Variants in SEZ6 observed in about 807,000 individuals in gnomAD.
The protein encoded by SEZ6 is seizure related 6 homolog.
SEZ6 carries 53 observed loss-of-function variants against 101.0 expected under a neutral mutation model. That is an observed-to-expected ratio of 0.52 (90% CI 0.42 to 0.66). SEZ6 has a LOEUF of 0.66. SEZ6 is among the 30% of genes least tolerant of loss of function. SEZ6 has a pLI of 0.00. For synonymous variants in SEZ6, 488 were observed against 512.2 expected (o/e 0.95, Z 0.64); for missense variants, 1,102 against 1,289.4 (o/e 0.85, Z 2.23).
intron 1 of SEZ6, among the ~76,000 whole-genome samples, chr17:28,989,932 C>T (rs1173167844): frequency 1.3e-5 from 2 of 152,034 alleles, no homozygotes; most frequent in East Asian, 1.9e-4. Flanking sequence ...GTTAGCTGGG[C>T]GTGGTGGTGC....
intron 14 of SEZ6, 25 bp downstream of exon 14, chr17:28,956,694 T>G (rs750693013): frequency 2.7e-5 from 42 of 1,556,286 alleles, no homozygotes; most frequent in Non-Finnish European, 3.7e-5. Context: ...AGACCACTTC[T>G]CTGGCCTCAA....
intron 5 of SEZ6, among the ~76,000 whole-genome samples, chr17:28,963,019 G>A (rs980781255): frequency 1.1e-4 from 16 of 151,936 alleles, no homozygotes; most frequent in African/African-American, 3.6e-4. Flanking sequence ...AGCTACTCGG[G>A]AGGCTGAGGC....
In SEZ6 at chr17:28,986,174, GA is replaced by G. The variant is rs2041380306; in HGVS notation, c.56-4136del. ...CCTGTTTAAAGTATTTAGACGAAAT[GA>G]AAAAAGGCTTTCATCGGCACTAATG... On this transcript the variant is annotated intron_variant, in intron 1 of 16. Transcript: ENST00000317338. Among the ~76,000 whole-genome samples the G allele has an allele frequency of 3.3e-5, 5 of 152,204 alleles. No individual in the cohort carries two copies. The South Asian group carries it at 1.0e-3, about 31-fold the overall frequency.
chr17:28,981,661 T>A lies in SEZ6; in HGVS notation c.434A>T (p.Glu145Val), dbSNP rs1429634644. ...SKEGPWSPESESPMLRITAPL... is the reference protein window; with the variant it reads ...SKEGPWSPESVSPMLRITAPL... Reference sequence around the variant, plus strand: ...AGCTGTGATTCGAAGCATAGGGGACTCTGACTCCGGACTCCAGGGTCCCTC... The same window carrying A: ...AGCTGTGATTCGAAGCATAGGGGACACTGACTCCGGACTCCAGGGTCCCTC... The change falls in exon 2 of 17, where the codon GAG becomes GTG. Residue 145 changes from glutamate to valine, a missense_variant. Transcript: ENST00000317338. 1 of 1,576,028 alleles carries A rather than the reference T, an allele frequency of 6.3e-7. No individual in the cohort carries two copies. The highest frequency in any genetic ancestry group is 8.6e-7 in the Non-Finnish European group (1 of 1,157,116).
At chr17:28,963,017 G>A (rs751256632) in intron 5 of SEZ6, among the ~76,000 whole-genome samples, 2 of 151,772 alleles carry the variant, frequency 1.3e-5, no homozygotes, top group Non-Finnish European at 2.9e-5. Flanking sequence ...CCAGCTACTC[G>A]GGAGGCTGAG....
In SEZ6 at chr17:28,960,909, G is replaced by T. The variant is rs1178405546; in HGVS notation, c.1305C>A (p.Gly435=). ...TGRIVSPGFP[G]NYSNNLTCHW... ...GACAGGTGAGGTTGTTGCTGTAGTT[G>T]CCCGGGAAGCCTGGAGAGACGATGC... is the stretch of plus-strand genomic sequence containing the variant. Residue 435 remains glycine, a synonymous_variant, in exon 6 of 17, where the codon GGC becomes GGA. Transcript: ENST00000317338. 11 of 1,613,818 alleles carry T rather than the reference G, an allele frequency of 6.8e-6. No individual in the cohort carries two copies.
chr17:28,986,083 CCGCCG>C (rs775047067), intron 1 of SEZ6, among the ~76,000 whole-genome samples: 32 of 152,228 alleles, frequency 2.1e-4, no homozygotes, highest in Non-Finnish European at 4.7e-4. Context: ...TGGCATGGCC[CCGCCG>C]CCGCCTGGGC....
At chr17:28,958,983 G>A (rs1265578294) in intron 10 of SEZ6, 42 bp downstream of exon 10, 2 of 1,569,106 alleles carry the variant, frequency 1.3e-6, no homozygotes, top group African/African-American at 2.7e-5. Context: ...GGCTTGCCAT[G>A]GCTTGCTGTC....
upstream of SEZ6, chr17:29,006,071 G>T (rs570121228): frequency 8.4e-6 from 3 of 357,860 alleles, no homozygotes; most frequent in African/African-American, 2.2e-5. Flanking sequence ...ATCGCCGAGC[G>T]GGGCTGGGGG....
chr17:28,979,598 C>A (rs540371626), intron 3 of SEZ6, 82 bp downstream of exon 3: 1 of 1,590,258 alleles, frequency 6.3e-7, no homozygotes, highest in East Asian at 2.3e-5. Context: ...ATCATCCCCA[C>A]ATCCTCTCAT....
chr17:28,997,452 C>G (rs2041557990), intron 1 of SEZ6, among the ~76,000 whole-genome samples: 1 of 152,194 alleles, frequency 6.6e-6, no homozygotes, highest in African/African-American at 2.4e-5. Context: ...ATCAGAGCAG[C>G]AAGCCAGGGT....
rs186345278 is a variant in SEZ6, at chr17:28,970,733, C to T, written c.859-781G>A. 1.1e-4 allele frequency among the ~76,000 whole-genome samples: 17 copies of T among 152,356 alleles called. No individual in the cohort carries two copies. In the East Asian group the frequency reaches 3.1e-3, roughly 28 times the overall value. Reference sequence around the variant, plus strand: ...TATTTTCTGAACTATAGCCAGCTAACGGTCTTAGATCTGTTGCTGATCATG... The same window carrying T: ...TATTTTCTGAACTATAGCCAGCTAATGGTCTTAGATCTGTTGCTGATCATG... On this transcript the variant is annotated intron_variant, in intron 3 of 16. Coordinates refer to ENST00000317338, the MANE Select transcript of SEZ6 (RefSeq NM_178860.5).
intron 1 of SEZ6, among the ~76,000 whole-genome samples, chr17:29,002,942 C>T (rs2041634195): frequency 6.6e-6 from 1 of 152,050 alleles, no homozygotes; most frequent in Non-Finnish European, 1.5e-5. Context: ...CCAGACTAGC[C>T]ATCCCCAGGC....
In SEZ6 at chr17:28,981,457, G is replaced by A; in HGVS notation, c.638C>T (p.Thr213Ile). The change falls in exon 2 of 17, where the codon ACC (threonine) becomes ATC (isoleucine). Residue 213 changes from threonine to isoleucine, a missense_variant. Physicochemically the swap from Thr to Ile is moderately conservative, Grantham distance 89. This residue lies in a region of SEZ6 where 406 missense variants were observed against 418.6 expected (regional missense o/e 0.97). Transcript: ENST00000317338. ...GAGIGIQGTI[T>I]SSTASGDDEE... ...ATCATCTCCTGAAGCTGTGGAGGAGGTGATGGTCCCCTGGATCCCGATCCC... is the reference window on the plus strand; with the variant it reads ...ATCATCTCCTGAAGCTGTGGAGGAGATGATGGTCCCCTGGATCCCGATCCC... The A allele has an allele frequency of 1.9e-6, 3 of 1,567,538 alleles. No individual in the cohort carries two copies. The highest frequency in any genetic ancestry group is 2.6e-6 in the Non-Finnish European group (3 of 1,155,550).
intron 14 of SEZ6, 54 bp downstream of exon 14, chr17:28,956,665 G>C (rs545443895): frequency 9.4e-5 from 145 of 1,550,374 alleles, no homozygotes; most frequent in Middle Eastern, 5.0e-4. Context: ...CCTGGGAGCC[G>C]TGAGAACCAG....
chr17:28,964,048 G>A lies in SEZ6; in HGVS notation c.1154C>T (p.Thr385Ile). Residue 385 changes from threonine (T) to isoleucine (I), a missense_variant, in exon 5 of 17, where the codon ACT becomes ATT. Around this residue, in one of 3 missense-constraint regions of SEZ6, gnomAD observed 556 missense variants for 735.1 expected, o/e 0.76. Transcript: ENST00000317338. ...PGGSARFHCA[T>I]GYQLKGARHL... ...CCTGGCGCCCTTCAGCTGGTAGCCA[G>A]TGGCACAATGGAAGCGGGCACTACC... is the stretch of plus-strand genomic sequence containing the variant. 1.2e-6 allele frequency: 2 copies of A among 1,611,026 alleles called. No individual in the cohort carries two copies. The highest frequency in any genetic ancestry group is 2.2e-5 in the South Asian group (2 of 90,202).
intron 5 of SEZ6, 137 bp from the exon 6 acceptor site, chr17:28,961,110 A>ATCGTCCT: frequency 2.7e-6 from 3 of 1,121,218 alleles, no homozygotes. Context: ...CTTGGCCCTC[A>ATCGTCCT]TCGTCCTGAA....
intron 1 of SEZ6, among the ~76,000 whole-genome samples, chr17:29,003,440 G>A (rs942548418): frequency 6.6e-6 from 1 of 152,234 alleles, no homozygotes; most frequent in Non-Finnish European, 1.5e-5. Context: ...AAGGCATCTG[G>A]GCCGTGCCTG....
At position 28,963,811 on chromosome 17, in the gene SEZ6, T is replaced by G. The variant is rs932152673; in HGVS notation, c.1240+151A>C. ...CTTCATCTGGTAGATGCTCAATAAG[T>G]GCAGGTTGGATGAATGCCACTGAGG... On this transcript the variant is annotated intron_variant, in intron 5 of 16. Coordinates refer to ENST00000317338, the MANE Select transcript of SEZ6 (RefSeq NM_178860.5). 43 of 822,768 alleles carry G rather than the reference T, an allele frequency of 5.2e-5. No homozygotes were observed. In the East Asian group the frequency reaches 9.6e-4, roughly 18 times the overall value. 51.0% of individuals were successfully genotyped at this position (822,768 alleles called of 1,614,324 possible).
Sources: allele counts gnomAD v4.1 joint callset (sites outside exome capture counted in the v4.1 genomes callset), GRCh38; gene constraint gnomAD v4.1.1; regional missense constraint gnomAD v4.1.1; transcripts MANE v1.5; gene names NCBI Gene and HGNC (gene_info 2026-07-23, HGNC 2026-07-21).